CIRSR: variants seen among roughly 807,000 people sequenced by gnomAD.
CIRSR encodes the protein CBF1 (RBPJ) interacting corepressor 1.
the CIRSR span, among the ~76,000 whole-genome samples, chr2:174,353,053 TCA>T: frequency 6.6e-6 from 1 of 152,194 alleles, no homozygotes; most frequent in African/African-American, 2.4e-5. Flanking sequence ...TGAGAAAAAC[TCA>T]GTTATAAGAT....
At chr2:174,379,975 G>A in the CIRSR span, among the ~76,000 whole-genome samples, 6 of 151,706 alleles carry the variant, frequency 4.0e-5, no homozygotes, top group East Asian at 3.9e-4. Context: ...CGCCCGCCTC[G>A]GCCTCCCAAA....
At chr2:174,358,423 A>G in the CIRSR span, 1 of 157,620 alleles carries the variant, frequency 6.3e-6, no homozygotes, top group Non-Finnish European at 1.4e-5. Context: ...ATTTCAGTAG[A>G]GACGGGGTTT....
chr2:174,351,662 C>T, the CIRSR span: 97 of 1,613,844 alleles, frequency 6.0e-5, 2 homozygotes, highest in South Asian at 4.1e-4. Flanking sequence ...CAGTACATTT[C>T]GTTTCAGTGC....
At chr2:174,375,098 T>C in the CIRSR span, among the ~76,000 whole-genome samples, 1 of 152,246 alleles carries the variant, frequency 6.6e-6, no homozygotes, top group Non-Finnish European at 1.5e-5. Context: ...TGAATAAATA[T>C]GTTTATCTTA....
At chr2:174,386,226 C>T in the CIRSR span, among the ~76,000 whole-genome samples, 3 of 152,084 alleles carry the variant, frequency 2.0e-5, no homozygotes, top group South Asian at 2.1e-4. Context: ...TTGTTGGCCA[C>T]GCTGGAGTTC....
chr2:174,383,312 T>G, the CIRSR span, among the ~76,000 whole-genome samples: 17 of 152,306 alleles, frequency 1.1e-4, no homozygotes, highest in East Asian at 3.3e-3. Flanking sequence ...TTTTGGATAA[T>G]GCAAATGTTC....
At chr2:174,380,128 CT>C in the CIRSR span, 1 of 1,069,372 alleles carries the variant, frequency 9.4e-7, no homozygotes, top group Non-Finnish European at 1.4e-6. Flanking sequence ...GCTTAAACAC[CT>C]TTTAGACAAC....
At chr2:174,367,038 A>C in the CIRSR span, among the ~76,000 whole-genome samples, 1 of 152,214 alleles carries the variant, frequency 6.6e-6, no homozygotes, top group Admixed American at 6.5e-5. Context: ...ACTAAGAGAC[A>C]AAAAAAGGAA....
At chr2:174,387,889 C>T in the CIRSR span, 1 of 924,230 alleles carries the variant, frequency 1.1e-6, no homozygotes, top group Non-Finnish European at 1.5e-6. Flanking sequence ...GCAGGAGTGC[C>T]CAATCTTTTG....
the CIRSR span, among the ~76,000 whole-genome samples, chr2:174,376,044 A>T: frequency 6.6e-6 from 1 of 152,046 alleles, no homozygotes; most frequent in Non-Finnish European, 1.5e-5. Context: ...TATTTTTTGT[A>T]GAGATGGGGT....
At chr2:174,350,705 T>G in the CIRSR span, 1 of 1,610,208 alleles carries the variant, frequency 6.2e-7, no homozygotes, top group South Asian at 1.1e-5. Flanking sequence ...CTTTAAAAAT[T>G]CAACTTCTGG....
chr2:174,370,120 G>C, the CIRSR span: 2 of 1,288,940 alleles, frequency 1.6e-6, no homozygotes, highest in Non-Finnish European at 2.1e-6. Context: ...TGAGTTCAAC[G>C]GCGGGCATAA....
the CIRSR span, among the ~76,000 whole-genome samples, chr2:174,392,019 A>G: frequency 6.6e-6 from 1 of 151,990 alleles, no homozygotes; most frequent in African/African-American, 2.4e-5. Context: ...TTTTTTTTTG[A>G]GTCAGTGTCT....
chr2:174,386,204 G>A, the CIRSR span, among the ~76,000 whole-genome samples: 3 of 151,994 alleles, frequency 2.0e-5, no homozygotes, highest in Admixed American at 1.3e-4. Context: ...TATCTGAGAC[G>A]GAGTTTCGCT....
the CIRSR span, among the ~76,000 whole-genome samples, chr2:174,373,827 CCT>C: frequency 5.8e-5 from 2 of 34,744 alleles, no homozygotes; most frequent in African/African-American, 1.3e-4. Flanking sequence ...ATACTATCCC[CCT>C]GTGTGTGTGT....
At chr2:174,348,606 T>C in the CIRSR span, 14 of 1,614,106 alleles carry the variant, frequency 8.7e-6, no homozygotes, top group African/African-American at 6.7e-5. Context: ...TCTTCTGCTT[T>C]GCTCTTCACC....
the CIRSR span, among the ~76,000 whole-genome samples, chr2:174,350,950 A>T: frequency 5.3e-5 from 8 of 152,212 alleles, no homozygotes; most frequent in Non-Finnish European, 8.8e-5. Context: ...AGAGGTTAAC[A>T]TGACTGCTTT....
At chr2:174,360,494 T>C in the CIRSR span, among the ~76,000 whole-genome samples, 1 of 152,252 alleles carries the variant, frequency 6.6e-6, no homozygotes, top group African/African-American at 2.4e-5. Flanking sequence ...GAAGAATTAA[T>C]ATTTACTGAG....
At chr2:174,382,945 G>C in the CIRSR span, among the ~76,000 whole-genome samples, 99 of 152,272 alleles carry the variant, frequency 6.5e-4, no homozygotes, top group Non-Finnish European at 1.3e-3. Context: ...TATATGACAT[G>C]AGTATAATTC....
Sources: allele counts gnomAD v4.1 joint callset (sites outside exome capture counted in the v4.1 genomes callset), GRCh38; gene constraint gnomAD v4.1.1; transcripts MANE v1.5; gene names NCBI Gene and HGNC (gene_info 2026-07-23, HGNC 2026-07-21).